The following MAMDC2 variants were observed in gnomAD, a reference collection of about 807,000 sequenced individuals.
MAMDC2 encodes the protein MAM domain-containing protein 2.
In MAMDC2, 57 loss-of-function variants were observed where a neutral mutation model predicts 89.8. The ratio of observed to expected loss-of-function variants is 0.63; its 90% confidence interval spans 0.51 to 0.79. The LOEUF is 0.79. Ranked by LOEUF, MAMDC2 falls within the 30% of genes least tolerant of loss-of-function variation. The probability of loss-of-function intolerance (pLI) is 0.00; values close to 1 mark genes in which losing one functional copy is unlikely to be tolerated. For synonymous variants in MAMDC2, 313 were observed against 293.4 expected, an observed-to-expected ratio of 1.07 and a Z score of -0.68; for missense variants, 800 against 820.6, an observed-to-expected ratio of 0.97 and a Z score of 0.31.
chr9:70,210,636 T>C (rs1459651402), intron 11 of MAMDC2, among the ~76,000 whole-genome samples: 1 of 152,230 alleles, frequency 6.6e-6, no homozygotes, highest in East Asian at 1.9e-4. Context: ...CATTTACATT[T>C]AAGGTTAATA....
chr9:70,140,435 C>T lies in MAMDC2; in HGVS notation c.1138+147C>T, dbSNP rs1308069505. On this transcript the variant is annotated intron_variant, in intron 8 of 13. Transcript: ENST00000377182. Reference sequence around the variant, plus strand: ...GACAATCAGTAGTCTTGTGTTTGACCATTTTTAAAAATTGGAATTCAAGTT... The same window carrying T: ...GACAATCAGTAGTCTTGTGTTTGACTATTTTTAAAAATTGGAATTCAAGTT... 3.6e-6 allele frequency: 3 copies of T among 834,718 alleles called. No homozygotes were observed. In the African/African-American group the frequency reaches 5.5e-5, roughly 15 times the overall value. The allele number at this position is 834,718 out of a possible 1,614,324, so 51.7% of individuals were successfully genotyped here.
At chr9:70,064,123 T>G (rs1398262332) in intron 2 of MAMDC2, among the ~76,000 whole-genome samples, 2 of 151,854 alleles carry the variant, frequency 1.3e-5, no homozygotes, top group Admixed American at 1.3e-4. Context: ...AAATGATGTA[T>G]ATATATATAA....
chr9:70,178,135 G>A (rs1307063770), intron 11 of MAMDC2, among the ~76,000 whole-genome samples: 22 of 152,170 alleles, frequency 1.4e-4, no homozygotes, highest in Admixed American at 1.4e-3. Context: ...CACTCAGATT[G>A]CAATGTGACA....
At chr9:70,191,018 A>G (rs1443943294) in intron 11 of MAMDC2, among the ~76,000 whole-genome samples, 1 of 152,108 alleles carries the variant, frequency 6.6e-6, no homozygotes, top group Non-Finnish European at 1.5e-5. Flanking sequence ...TCTTTTGTAG[A>G]GTATAAGAGA....
intron 11 of MAMDC2, among the ~76,000 whole-genome samples, chr9:70,207,659 G>A (rs1452703526): frequency 6.6e-6 from 1 of 152,100 alleles, no homozygotes. Flanking sequence ...GTCAATTTTG[G>A]CTTTTGTTGT....
chr9:70,113,086 T>A lies in MAMDC2; in HGVS notation c.597T>A (p.Asn199Lys). Residue 199 changes from asparagine (N) to lysine (K), a missense_variant, in exon 5 of 14, where the codon AAT (asparagine) becomes AAA (lysine). Physicochemically the swap from Asn to Lys is moderately conservative, Grantham distance 94 (BLOSUM62 0). Coordinates refer to ENST00000377182, the MANE Select transcript of MAMDC2 (RefSeq NM_153267.5). ...NWFVGGGSIR[N>K]VHSILPQDHT... ...TTGTTGGAGGAGGAAGTATTCGGAA[T>A]GTCCACTCCATTCTCCCACAGGATC... 6.2e-7 allele frequency: 1 copy of A among 1,614,126 alleles called. No individual in the cohort carries two copies.
chr9:70,135,036 G>A (rs1487631589), intron 7 of MAMDC2, among the ~76,000 whole-genome samples: 2 of 152,208 alleles, frequency 1.3e-5, no homozygotes, highest in Non-Finnish European at 2.9e-5. Flanking sequence ...AGGAAACGAT[G>A]AGAAATGTTT....
At chr9:70,223,321 C>A (rs1358762821) in intron 12 of MAMDC2, among the ~76,000 whole-genome samples, 2 of 151,818 alleles carry the variant, frequency 1.3e-5, no homozygotes, top group African/African-American at 4.8e-5. Context: ...TGAAAAAATA[C>A]TTAAAATAAA....
rs529795787 is a variant in MAMDC2, at chr9:70,216,222, G to A, written c.1652-2115G>A. 2.6e-5 allele frequency: 4 copies of A among 152,246 alleles called. No homozygotes were observed. In the East Asian group the frequency reaches 7.7e-4, roughly 29 times the overall value. The allele number at this position is 152,246 out of a possible 1,614,324, so 9.4% of individuals were successfully genotyped here. A position where few individuals can be genotyped will look rare whatever the true frequency, so the allele number is the denominator to read the frequency against. On this transcript the variant is annotated intron_variant, in intron 11 of 13. Transcript: ENST00000377182. Reference sequence around the variant, plus strand: ...AATAAATCAAAATTGGCAAATGTTGGTGTTTGCTTGGGCTGCCATAACAAA... The same window carrying A: ...AATAAATCAAAATTGGCAAATGTTGATGTTTGCTTGGGCTGCCATAACAAA...
rs2033492527 is a variant in MAMDC2, at chr9:70,218,527, G to A, written c.1842G>A (p.Arg614=). 6.2e-7 allele frequency: 1 copy of A among 1,614,132 alleles called. No homozygotes were observed. Among genetic ancestry groups the A allele is most frequent in the Non-Finnish European group, 8.5e-7 (1 of 1,179,962 alleles). The part of the protein sequence containing the change: ...EEDSEESLLW[R]RRGEQSISWL... ...ACAGTGAAGAGTCCCTCTTATGGAG[G>A]AGAAGAGGTGAACAGAGCATTTCCT... Residue 614 remains arginine, a synonymous_variant, in exon 12 of 14, where the codon AGG becomes AGA. Coordinates refer to ENST00000377182, the MANE Select transcript of MAMDC2 (RefSeq NM_153267.5).
chr9:70,080,248 A>G (rs1827622862), intron 2 of MAMDC2, among the ~76,000 whole-genome samples: 1 of 152,176 alleles, frequency 6.6e-6, no homozygotes, highest in Admixed American at 6.5e-5. Context: ...TCTTTCCACA[A>G]TCACTCTATG....
intron 9 of MAMDC2, among the ~76,000 whole-genome samples, chr9:70,165,513 G>A (rs1158256371): frequency 6.6e-6 from 1 of 152,154 alleles, no homozygotes; most frequent in East Asian, 1.9e-4. Context: ...ACTAACCTTA[G>A]GGATCTTTTA....
chr9:70,170,085 C>T (rs2032286605), intron 10 of MAMDC2: 1 of 162,204 alleles, frequency 6.2e-6, no homozygotes, highest in Non-Finnish European at 1.3e-5. Context: ...TATGAGGATA[C>T]CCTTCACTCA....
rs553777518 is a variant in MAMDC2, at chr9:70,088,983, A to G, written c.149-19228A>G. 2.0e-5 allele frequency: 3 copies of G among 152,240 alleles called. No homozygotes were observed. The South Asian group carries it at 6.2e-4, about 32-fold the overall frequency. 9.4% of individuals were successfully genotyped at this position (152,240 alleles called of 1,614,324 possible). ...TTGTGCTGGGCACTTTCCATGCATGATGTTATTAAATTTACACAAACGTCT... is the reference window on the plus strand; with the variant it reads ...TTGTGCTGGGCACTTTCCATGCATGGTGTTATTAAATTTACACAAACGTCT... On this transcript the variant is annotated intron_variant, in intron 2 of 13. Transcript: ENST00000377182.
intron 2 of MAMDC2, among the ~76,000 whole-genome samples, chr9:70,080,905 G>T (rs188148807): frequency 6.6e-6 from 1 of 152,098 alleles, no homozygotes; most frequent in African/African-American, 2.4e-5. Flanking sequence ...TTACTGGTCC[G>T]GTTAGGTGCC....
chr9:70,127,691 C>CA lies in MAMDC2; in HGVS notation c.900+1286dup, dbSNP rs797014380. ...CTATTTACCTCCCTACCTCCCCCCA[C>CA]AAAAAAAAAACACTCTAGAGAGAGC... On this transcript the variant is annotated intron_variant, in intron 6 of 13. Coordinates refer to ENST00000377182, the MANE Select transcript of MAMDC2 (RefSeq NM_153267.5). 1.5e-3 allele frequency among the ~76,000 whole-genome samples: 217 copies of CA among 143,272 alleles called. 1 individual carries two copies. Among genetic ancestry groups the CA allele is most frequent in the East Asian group, 5.7e-3 (28 of 4,934 alleles). The allele number at this position is 143,272 out of a possible 152,430, so 94.0% of individuals were successfully genotyped here.
intron 5 of MAMDC2, among the ~76,000 whole-genome samples, chr9:70,120,294 A>G (rs1246359825): frequency 1.3e-5 from 2 of 152,122 alleles, no homozygotes; most frequent in Non-Finnish European, 2.9e-5. Flanking sequence ...AACCTTTTTC[A>G]AGAACTCTGA....
At chr9:70,164,999 C>T (rs996028775) in intron 9 of MAMDC2, among the ~76,000 whole-genome samples, 1 of 34,790 alleles carries the variant, frequency 2.9e-5, no homozygotes, top group Non-Finnish European at 7.1e-5. Flanking sequence ...ATGGTACCCT[C>T]TTAGATACTA....
At chr9:70,104,033 A>G (rs1178150210) in intron 2 of MAMDC2, among the ~76,000 whole-genome samples, 1 of 152,170 alleles carries the variant, frequency 6.6e-6, no homozygotes, top group Non-Finnish European at 1.5e-5. Context: ...GGGAAAAAGT[A>G]TTTGCAAATT....
Sources: gnomAD v4.1 joint callset for allele counts (sites outside exome capture counted in the v4.1 genomes callset) on GRCh38, gnomAD v4.1.1 for gene constraint, MANE v1.5 for transcripts, NCBI Gene and HGNC (gene_info 2026-07-23, HGNC 2026-07-21) for gene names.